PLCB1: variants seen among roughly 807,000 people sequenced by gnomAD.
PLCB1 encodes 1-phosphatidylinositol 4,5-bisphosphate phosphodiesterase beta-1.
Under a neutral mutation model 161.8 loss-of-function variants are expected in PLCB1, and 46 were observed. The ratio of observed to expected loss-of-function variants is 0.28; its 90% CI spans 0.22 to 0.36. The LOEUF (loss-of-function observed/expected upper bound fraction) is 0.36, where lower values mean the gene tolerates loss of function less well. Among genes scored for constraint, PLCB1 ranks in the 10% least tolerant of loss-of-function variants. The pLI is 1.00. For missense variants in PLCB1, 1,016 were observed against 1,472.5 expected, an observed-to-expected ratio of 0.69 and a Z score of 5.07; for synonymous variants, 517 against 503.7, an observed-to-expected ratio of 1.03 and a Z score of -0.35.
intron 9 of PLCB1, among the ~76,000 whole-genome samples, chr20:8,660,488 C>T (rs952865335): frequency 2.6e-5 from 4 of 152,132 alleles, no homozygotes; most frequent in African/African-American, 9.7e-5. Flanking sequence ...AAAGTGTAAG[C>T]CTTTTCCTTT....
intron 23 of PLCB1, among the ~76,000 whole-genome samples, chr20:8,749,955 A>AT (rs375424025): frequency 0.31 from 5,847 of 19,038 alleles, 363 homozygotes; most frequent in African/African-American, 0.42. Flanking sequence ...TTCATTCAAT[A>AT]TTTTTTTTTT....
At chr20:8,793,794 G>A (rs1983886604) in intron 31 of PLCB1, among the ~76,000 whole-genome samples, 1 of 152,076 alleles carries the variant, frequency 6.6e-6, no homozygotes, top group Admixed American at 6.6e-5. Flanking sequence ...GAGATCAACT[G>A]GTCTGACCAA....
At chr20:8,376,278 A>G (rs927860362) in intron 3 of PLCB1, among the ~76,000 whole-genome samples, 1 of 152,246 alleles carries the variant, frequency 6.6e-6, no homozygotes, top group South Asian at 2.1e-4. Flanking sequence ...TCAGATATGT[A>G]GTATTAATTT....
chr20:8,724,389 G>A (rs1979820566), intron 15 of PLCB1, among the ~76,000 whole-genome samples: 1 of 152,078 alleles, frequency 6.6e-6, no homozygotes, highest in African/African-American at 2.4e-5. Context: ...ATTTCTAAAT[G>A]GAAAGGAGGG....
At chr20:8,752,159 A>G (rs890057439) in intron 23 of PLCB1, 5 of 152,176 alleles carry the variant, frequency 3.3e-5, no homozygotes, top group Non-Finnish European at 7.3e-5. Context: ...AGACATCTCT[A>G]TCTCAGCAGC....
intron 31 of PLCB1, among the ~76,000 whole-genome samples, chr20:8,836,578 G>C (rs1434755973): frequency 7.7e-6 from 1 of 130,452 alleles, no homozygotes; most frequent in Admixed American, 8.4e-5. Context: ...TAGGTTTAAC[G>C]ATGCTAATAA....
intron 9 of PLCB1, among the ~76,000 whole-genome samples, chr20:8,661,446 C>G (rs976613573): frequency 1.3e-5 from 2 of 152,074 alleles, no homozygotes; most frequent in African/African-American, 4.8e-5. Flanking sequence ...TACCGTATAA[C>G]GTGCATCCTC....
At chr20:8,218,133 A>T (rs1433641334) in intron 2 of PLCB1, among the ~76,000 whole-genome samples, 1 of 152,130 alleles carries the variant, frequency 6.6e-6, no homozygotes, top group Non-Finnish European at 1.5e-5. Context: ...GCTCTTCATT[A>T]TATATCCATT....
intron 2 of PLCB1, among the ~76,000 whole-genome samples, chr20:8,346,953 G>A (rs1986017844): frequency 3.9e-5 from 6 of 152,190 alleles, no homozygotes; most frequent in Admixed American, 3.9e-4. Context: ...GATAGAAGGA[G>A]GATACAGGCT....
In PLCB1 at chr20:8,774,735, A is replaced by C. The variant is rs549758859; in HGVS notation, c.3111+16A>C. 6.3e-5 allele frequency: 99 copies of C among 1,573,568 alleles called. 1 individual carries two copies. The South Asian group carries it at 1.0e-3, about 16-fold the overall frequency. ...TATTAAACTGGTGAGCCTGAGAAAC[A>C]TGATTTATGTTTGTGCAACTGGAAC... On this transcript the variant is annotated intron_variant, in intron 27 of 31. Coordinates refer to ENST00000338037, the MANE Select transcript of PLCB1 (RefSeq NM_015192.4).
chr20:8,728,994 C>A, intron 17 of PLCB1, 56 bp from the exon 18 acceptor site: 1 of 1,237,184 alleles, frequency 8.1e-7, no homozygotes, highest in Non-Finnish European at 1.1e-6. Context: ...TTCTTAGTTA[C>A]TATTATTGAC....
At chr20:8,212,709 A>T (rs1978893476) in intron 2 of PLCB1, among the ~76,000 whole-genome samples, 1 of 152,128 alleles carries the variant, frequency 6.6e-6, no homozygotes, top group African/African-American at 2.4e-5. Context: ...GCTGAATGAT[A>T]TACCCTTGCA....
At chr20:8,543,446 C>T (rs952327871) in intron 3 of PLCB1, among the ~76,000 whole-genome samples, 1 of 151,938 alleles carries the variant, frequency 6.6e-6, no homozygotes, top group Admixed American at 6.6e-5. Flanking sequence ...CAGTGGCGGC[C>T]TGGCAACAGG....
intron 3 of PLCB1, among the ~76,000 whole-genome samples, chr20:8,409,896 G>A (rs1015667075): frequency 6.6e-6 from 1 of 152,108 alleles, no homozygotes; most frequent in South Asian, 2.1e-4. Flanking sequence ...AGATGCTGGG[G>A]GATGAGGTCC....
chr20:8,723,964 G>A (rs1282873742), intron 15 of PLCB1, among the ~76,000 whole-genome samples: 1 of 151,410 alleles, frequency 6.6e-6, no homozygotes, highest in African/African-American at 2.4e-5. Flanking sequence ...TCATTTGGTG[G>A]TCACCTACCT....
chr20:8,553,132 G>A (rs1985828877), intron 3 of PLCB1, among the ~76,000 whole-genome samples: 1 of 152,132 alleles, frequency 6.6e-6, no homozygotes, highest in South Asian at 2.1e-4. Flanking sequence ...AGATAAATCA[G>A]TTACCAGAAT....
chr20:8,187,492 T>C (rs1381083791), intron 2 of PLCB1, among the ~76,000 whole-genome samples: 1 of 152,206 alleles, frequency 6.6e-6, no homozygotes, highest in Middle Eastern at 3.2e-3. Flanking sequence ...GATTCTTCTT[T>C]AGAATCACAT....
chr20:8,535,682 G>A (rs976904221), intron 3 of PLCB1, among the ~76,000 whole-genome samples: 1 of 152,144 alleles, frequency 6.6e-6, no homozygotes, highest in African/African-American at 2.4e-5. Flanking sequence ...GTACATTAGT[G>A]TAATTAGAGT....
At chr20:8,320,450 C>G (rs1375779114) in intron 2 of PLCB1, among the ~76,000 whole-genome samples, 6 of 152,108 alleles carry the variant, frequency 3.9e-5, no homozygotes, top group Non-Finnish European at 8.8e-5. Flanking sequence ...ATTGTGTGTC[C>G]CGAAGTGACA....
Sources: gnomAD v4.1 joint callset for allele counts (sites outside exome capture counted in the v4.1 genomes callset) on GRCh38, gnomAD v4.1.1 for gene constraint, MANE v1.5 for transcripts, NCBI Gene and HGNC (gene_info 2026-07-23, HGNC 2026-07-21) for gene names.